The following CTNNA2 variants were observed in gnomAD, a reference collection of about 807,000 sequenced individuals.
The protein encoded by CTNNA2 is catenin alpha 2.
Under a neutral mutation model 101.0 loss-of-function variants are expected in CTNNA2, and 42 were observed. That is an observed-to-expected ratio of 0.42 (90% CI 0.32 to 0.54). The LOEUF is 0.54. Ranked by LOEUF, CTNNA2 falls within the 20% of genes least tolerant of loss-of-function variation. CTNNA2 has a pLI of 0.14. For missense variants in CTNNA2, 871 were observed against 1,223.1 expected, an observed-to-expected ratio of 0.71 and a Z score of 4.29; for synonymous variants, 450 against 456.4, an observed-to-expected ratio of 0.99 and a Z score of 0.18.
At chr2:80,094,245 C>A (rs1036842926) in intron 7 of CTNNA2, among the ~76,000 whole-genome samples, 1 of 151,988 alleles carries the variant, frequency 6.6e-6, no homozygotes, top group African/African-American at 2.4e-5. Context: ...TTTCCCAGCA[C>A]CATTTATTAA....
rs1430466989 is a variant in CTNNA2, at chr2:80,579,036, T to C, written c.1894-2670T>C. On this transcript the variant is annotated intron_variant, in intron 13 of 18. Transcript: ENST00000402739. ...GGAGTCCTGTGGGGCAGAAAGTGCATATAGCAATTATAATCTCCGTTTTAT... is the reference window on the plus strand; with the variant it reads ...GGAGTCCTGTGGGGCAGAAAGTGCACATAGCAATTATAATCTCCGTTTTAT... The C allele has an allele frequency of 2.0e-5, 3 of 152,078 alleles. No individual in the cohort carries two copies. In the East Asian group the frequency reaches 5.8e-4, roughly 29 times the overall value. The allele number at this position is 152,078 out of a possible 1,614,324, so 9.4% of individuals were successfully genotyped here. A position where few individuals can be genotyped will look rare whatever the true frequency, so the allele number is the denominator to read the frequency against.
At chr2:79,579,899 C>G (rs1676044789) in intron 1 of CTNNA2, among the ~76,000 whole-genome samples, 3 of 152,146 alleles carry the variant, frequency 2.0e-5, no homozygotes. Flanking sequence ...CAGGTGTGAG[C>G]CACCGCACCT....
In CTNNA2 at chr2:80,484,840, A is replaced by G. The variant is rs7565732; in HGVS notation, c.1291-60142A>G. ...GCTACCACGGTGAAACCTTGTCTCTACTGAAAATACAAAAAATTAGCCGGG... is the reference window on the plus strand; with the variant it reads ...GCTACCACGGTGAAACCTTGTCTCTGCTGAAAATACAAAAAATTAGCCGGG... On this transcript the variant is annotated intron_variant, in intron 9 of 18. Coordinates refer to ENST00000402739, the MANE Select transcript of CTNNA2 (RefSeq NM_001282597.3). Among the ~76,000 whole-genome samples, 1,398 of 152,124 alleles carry G rather than the reference A, an allele frequency of 9.2e-3. 15 individuals are homozygous for G. The highest frequency in any genetic ancestry group is 0.03 in the African/African-American group (1,236 of 41,492).
At chr2:79,923,504 G>A (rs1293813939) in intron 7 of CTNNA2, among the ~76,000 whole-genome samples, 1 of 152,014 alleles carries the variant, frequency 6.6e-6, no homozygotes, top group East Asian at 1.9e-4. Context: ...GTGATGTTTG[G>A]ATATGTGTAT....
rs111239333 is a variant in CTNNA2 at position 79,400,936 on chromosome 2, A to G, written c.-135+26923A>G. 2.2e-3 allele frequency among the ~76,000 whole-genome samples: 331 copies of G among 152,128 alleles called. 3 individuals carry two copies. Among genetic ancestry groups the G allele is most frequent in the African/African-American group, 7.5e-3 (311 of 41,562 alleles). On this transcript the variant is annotated intron_variant, in intron 4 of 21. Coordinates refer to the CTNNA2 transcript ENST00000466387. ...TGTGTAATCAGTACTCAGTGAGATT[A>G]ACAAAAGACTTCTCAGCAGAAACCA... is the stretch of plus-strand genomic sequence containing the variant.
chr2:79,772,975 A>G (rs1182168445), intron 3 of CTNNA2, among the ~76,000 whole-genome samples: 1 of 152,218 alleles, frequency 6.6e-6, no homozygotes, highest in Non-Finnish European at 1.5e-5. Flanking sequence ...TAGGAACTTT[A>G]TCTCACTCTG....
At chr2:80,383,799 A>G (rs370178256) in intron 7 of CTNNA2, among the ~76,000 whole-genome samples, 13 of 152,210 alleles carry the variant, frequency 8.5e-5, no homozygotes, top group African/African-American at 2.9e-4. Flanking sequence ...CATTCAACCT[A>G]GCAATTTCAT....
rs778989197 is a variant in CTNNA2, at chr2:80,347,838, C to CTTTTTTTTTTTTTT, written c.1057-45369_1057-45368insTTTTTTTTTTTTTT. On this transcript the variant is annotated intron_variant, in intron 7 of 18. Coordinates refer to ENST00000402739, the MANE Select transcript of CTNNA2 (RefSeq NM_001282597.3). Reference sequence around the variant, plus strand: ...CACATTATCTTTTCCTTTTTCTTTTCTTTTCTTTTTTTTTTTCCAGAAGGG... The same window carrying CTTTTTTTTTTTTTT: ...CACATTATCTTTTCCTTTTTCTTTTCTTTTTTTTTTTTTTTTTTCTTTTTTTTTTTCCAGAAGGG... 2.7e-5 allele frequency among the ~76,000 whole-genome samples: 4 copies of CTTTTTTTTTTTTTT among 146,868 alleles called. 1 individual carries two copies. Among genetic ancestry groups the CTTTTTTTTTTTTTT allele is most frequent in the East Asian group, 4.1e-4 (2 of 4,850 alleles).
At chr2:79,249,414 G>A (rs1000633219) in intron 2 of CTNNA2, among the ~76,000 whole-genome samples, 2 of 152,122 alleles carry the variant, frequency 1.3e-5, no homozygotes, top group Admixed American at 6.6e-5. Context: ...ACCTCAGAAT[G>A]TATCACATCA....
chr2:79,843,027 C>T (rs1256084847), intron 3 of CTNNA2, among the ~76,000 whole-genome samples: 2 of 152,116 alleles, frequency 1.3e-5, no homozygotes, highest in Admixed American at 6.5e-5. Flanking sequence ...TCTCTAACTA[C>T]ATCTGTTGAT....
Position 79,649,255 on chromosome 2 carries a change from G to A in CTNNA2, c.-5-2297G>A, listed in dbSNP as rs77282645. The stretch of plus-strand genomic sequence containing the variant: ...TATGTGCCTTCCTTGATCTATCAGC[G>A]TATGTCTACAAGCATGCCCATGTTA... On this transcript the variant is annotated intron_variant, in intron 1 of 18. Coordinates refer to ENST00000402739, the MANE Select transcript of CTNNA2 (RefSeq NM_001282597.3). The A allele has an allele frequency of 8.4e-3, 1,301 of 154,690 alleles. 27 individuals carry two copies. The highest frequency in any genetic ancestry group is 0.028 in the African/African-American group (1,180 of 41,562). 9.6% of individuals were successfully genotyped at this position (154,690 alleles called of 1,614,324 possible). A position where few individuals can be genotyped will look rare whatever the true frequency, so the allele number is the denominator to read the frequency against.
rs149233233 is a variant in CTNNA2, at chr2:79,662,485, G to T, written c.102+10827G>T. On this transcript the variant is annotated intron_variant, in intron 2 of 18. Transcript: ENST00000402739. ...ATTCAAAAATTTCAAGGGAAAGATT[G>T]GGGGCGGTTAGCTAACAAAATTGCT... is the stretch of plus-strand genomic sequence containing the variant. 3.5e-3 allele frequency among the ~76,000 whole-genome samples: 535 copies of T among 152,198 alleles called. 11 individuals are homozygous for T. In the East Asian group the frequency reaches 0.048, roughly 14 times the overall value.
chr2:80,321,710 C>A (rs1246969540), intron 7 of CTNNA2, among the ~76,000 whole-genome samples: 2 of 152,054 alleles, frequency 1.3e-5, no homozygotes, highest in Non-Finnish European at 2.9e-5. Context: ...GGCAAGGTTT[C>A]GTTTTTGTGA....
At chr2:79,249,957 C>A (rs1674748789) in intron 2 of CTNNA2, among the ~76,000 whole-genome samples, 1 of 152,168 alleles carries the variant, frequency 6.6e-6, no homozygotes, top group Non-Finnish European at 1.5e-5. Flanking sequence ...ACTGCATCTG[C>A]CTGACTCCTG....
At chr2:79,341,073 T>C (rs1050809327) in intron 3 of CTNNA2, among the ~76,000 whole-genome samples, 10 of 151,872 alleles carry the variant, frequency 6.6e-5, no homozygotes, top group African/African-American at 2.4e-4. Flanking sequence ...CCTAGAAAAA[T>C]ACTAATTATT....
chr2:80,047,031 C>G (rs185447895), intron 7 of CTNNA2, among the ~76,000 whole-genome samples: 56 of 152,220 alleles, frequency 3.7e-4, no homozygotes, highest in African/African-American at 1.3e-3. Flanking sequence ...CCCCCAGTTG[C>G]GATACCTGAA....
chr2:79,496,090 C>T (rs1241846981), intron 4 of CTNNA2, among the ~76,000 whole-genome samples: 3 of 152,002 alleles, frequency 2.0e-5, no homozygotes, highest in Admixed American at 6.6e-5. Flanking sequence ...AGTTGCTCAA[C>T]TATGAACATA....
At chr2:80,617,055 T>C (rs958052260) in intron 17 of CTNNA2, among the ~76,000 whole-genome samples, 13 of 151,928 alleles carry the variant, frequency 8.6e-5, no homozygotes, top group South Asian at 4.1e-4. Flanking sequence ...ATTTTTATTT[T>C]AATATCTTAA....
chr2:79,298,211 G>A (rs187398638), intron 2 of CTNNA2, among the ~76,000 whole-genome samples: 6 of 152,232 alleles, frequency 3.9e-5, no homozygotes, highest in Non-Finnish European at 7.4e-5. Context: ...AGGCAAAGGG[G>A]GTGCAGTCAT....
Sources: gnomAD v4.1 joint callset for allele counts (sites outside exome capture counted in the v4.1 genomes callset) on GRCh38, gnomAD v4.1.1 for gene constraint, MANE v1.5 for transcripts, NCBI Gene and HGNC (gene_info 2026-07-23, HGNC 2026-07-21) for gene names.